Variants in RBFOX1 observed in about 807,000 individuals in gnomAD.
The protein encoded by RBFOX1 is RNA binding fox-1 homolog 1.
A neutral mutation model predicts 57.7 loss-of-function variants in RBFOX1; 8 were observed. The ratio of observed to expected loss-of-function variants is 0.14; its 90% CI spans 0.08 to 0.25. RBFOX1 has a LOEUF of 0.25. Ranked by LOEUF, RBFOX1 falls within the 10% of genes least tolerant of loss-of-function variation. RBFOX1 has a pLI of 1.00. For missense variants in RBFOX1, 611 were observed against 548.5 expected, an observed-to-expected ratio of 1.11 and a Z score of -1.14; for synonymous variants, 326 against 222.4, an observed-to-expected ratio of 1.47 and a Z score of -4.15.
At chr16:7,124,604 C>A (rs541445578) in intron 4 of RBFOX1, among the ~76,000 whole-genome samples, 1 of 134,884 alleles carries the variant, frequency 7.4e-6, no homozygotes, top group African/African-American at 2.7e-5. Flanking sequence ...TGTGAGTTTT[C>A]TCATAATGTC....
intron 4 of RBFOX1, among the ~76,000 whole-genome samples, chr16:7,383,701 A>G (rs372679374): frequency 3.3e-5 from 5 of 152,182 alleles, no homozygotes; most frequent in African/African-American, 7.2e-5. Flanking sequence ...CCCATTCTGT[A>G]TATTAAACGC....
chr16:7,305,587 C>G (rs898162738), intron 4 of RBFOX1, among the ~76,000 whole-genome samples: 3 of 152,268 alleles, frequency 2.0e-5, no homozygotes, highest in Non-Finnish European at 4.4e-5. Context: ...ACTTCCTATG[C>G]AAGAGTTGAG....
chr16:7,608,493 A>G (rs894580986), intron 10 of RBFOX1, among the ~76,000 whole-genome samples: 1 of 152,214 alleles, frequency 6.6e-6, no homozygotes, highest in Non-Finnish European at 1.5e-5. Context: ...TAACACTGCA[A>G]AATAGCTGTG....
intron 11 of RBFOX1, among the ~76,000 whole-genome samples, chr16:7,646,005 A>G (rs1044986332): frequency 6.6e-6 from 1 of 151,750 alleles, no homozygotes. Context: ...TTAAAAAAAG[A>G]AAAACCTTTC....
intron 3 of RBFOX1, among the ~76,000 whole-genome samples, chr16:6,765,532 A>G (rs375581239): frequency 2.6e-5 from 4 of 152,130 alleles, no homozygotes; most frequent in East Asian, 1.9e-4. Context: ...AAGTTTAAGA[A>G]AAAAAGAATG....
intron 3 of RBFOX1, among the ~76,000 whole-genome samples, chr16:6,662,405 G>A (rs891157150): frequency 6.6e-6 from 1 of 151,992 alleles, no homozygotes; most frequent in Non-Finnish European, 1.5e-5. Context: ...TGCAATTTTT[G>A]TTTTTCAGTT....
intron 4 of RBFOX1, among the ~76,000 whole-genome samples, chr16:7,366,533 T>A (rs1270460927): frequency 6.6e-6 from 1 of 152,172 alleles, no homozygotes; most frequent in Non-Finnish European, 1.5e-5. Flanking sequence ...TTTCTGTCCT[T>A]CCTCCCTGGT....
chr16:7,448,809 G>A (rs2098828163), intron 4 of RBFOX1, among the ~76,000 whole-genome samples: 2 of 152,024 alleles, frequency 1.3e-5, no homozygotes, highest in East Asian at 1.9e-4. Context: ...TCTTGTAAGG[G>A]CACCAGCCAT....
At chr16:5,470,699 C>G (rs952786984) in intron 2 of RBFOX1, among the ~76,000 whole-genome samples, 1 of 152,108 alleles carries the variant, frequency 6.6e-6, no homozygotes, top group East Asian at 1.9e-4. Flanking sequence ...CTGAGGTAAC[C>G]TGCCCACAGT....
chr16:6,867,186 G>C (rs780561944), intron 3 of RBFOX1, among the ~76,000 whole-genome samples: 3 of 152,054 alleles, frequency 2.0e-5, no homozygotes, highest in African/African-American at 4.8e-5. Flanking sequence ...TCTTGGTCTT[G>C]CAAAGAAAAG....
At chr16:6,024,757 T>C (rs1320610874) in intron 1 of RBFOX1, among the ~76,000 whole-genome samples, 1 of 152,244 alleles carries the variant, frequency 6.6e-6, no homozygotes, top group Non-Finnish European at 1.5e-5. Context: ...GTGCTAGGAT[T>C]ACAGGCGTGA....
chr16:7,470,282 G>T (rs1224790669), intron 4 of RBFOX1, among the ~76,000 whole-genome samples: 3 of 152,188 alleles, frequency 2.0e-5, no homozygotes, highest in Admixed American at 6.5e-5. Flanking sequence ...CCTTAGTGCA[G>T]GTGCCCTGCC....
intron 2 of RBFOX1, among the ~76,000 whole-genome samples, chr16:5,518,748 C>A (rs765654011): frequency 6.6e-6 from 1 of 152,118 alleles, no homozygotes; most frequent in Non-Finnish European, 1.5e-5. Context: ...GGTCCCTGTC[C>A]TGCATGAGGC....
At chr16:6,505,785 C>G (rs933702692) in intron 2 of RBFOX1, among the ~76,000 whole-genome samples, 1 of 152,072 alleles carries the variant, frequency 6.6e-6, no homozygotes, top group Non-Finnish European at 1.5e-5. Flanking sequence ...AAGAGAATTC[C>G]TTGGAGGCAG....
chr16:5,730,732 T>G (rs560775339), intron 3 of RBFOX1, among the ~76,000 whole-genome samples: 1 of 152,138 alleles, frequency 6.6e-6, no homozygotes, highest in South Asian at 2.1e-4. Context: ...ATCATCACCA[T>G]CAACATTGCC....
chr16:6,753,237 C>A (rs1409173970), intron 3 of RBFOX1, among the ~76,000 whole-genome samples: 2 of 152,054 alleles, frequency 1.3e-5, no homozygotes, highest in Non-Finnish European at 2.9e-5. Context: ...TGGGATAAAG[C>A]AAGTATAGTA....
At chr16:6,574,767 G>A (rs1454249630) in intron 2 of RBFOX1, among the ~76,000 whole-genome samples, 1 of 148,266 alleles carries the variant, frequency 6.7e-6, no homozygotes, top group African/African-American at 2.5e-5. Flanking sequence ...GGCTGGGCGT[G>A]GTGGCTCACG....
chr16:6,314,922 C>A (rs1281141243), intron 1 of RBFOX1, among the ~76,000 whole-genome samples: 3 of 152,286 alleles, frequency 2.0e-5, no homozygotes, highest in East Asian at 3.9e-4. Flanking sequence ...CACTTCTCAC[C>A]TTTACGATGT....
chr16:5,375,274 T>C (rs985220632), intron 1 of RBFOX1, among the ~76,000 whole-genome samples: 2 of 152,084 alleles, frequency 1.3e-5, no homozygotes, highest in African/African-American at 4.8e-5. Flanking sequence ...GAAGCTGTTT[T>C]CCAGGGATCC....
Sources: allele counts gnomAD v4.1 joint callset (sites outside exome capture counted in the v4.1 genomes callset), GRCh38; gene constraint gnomAD v4.1.1; transcripts MANE v1.5; gene names NCBI Gene and HGNC (gene_info 2026-07-23, HGNC 2026-07-21).